GRIK4: variants seen among roughly 807,000 people sequenced by gnomAD.
GRIK4 encodes the protein glutamate receptor ionotropic, kainate 4.
A neutral mutation model predicts 104.9 loss-of-function variants in GRIK4; 40 were observed. The ratio of observed to expected loss-of-function variants is 0.38; its 90% CI spans 0.30 to 0.50. The LOEUF is 0.50. Ranked by LOEUF, GRIK4 falls within the 20% of genes least tolerant of loss-of-function variation. GRIK4 has a pLI of 0.93. For synonymous variants in GRIK4, 485 were observed against 524.9 expected (o/e 0.92, Z 1.04); for missense variants, 1,047 against 1,308.1 (o/e 0.80, Z 3.08).
chr11:120,598,355 G>A (rs1948835244), intron 1 of GRIK4, among the ~76,000 whole-genome samples: 1 of 152,176 alleles, frequency 6.6e-6, no homozygotes, highest in African/African-American at 2.4e-5. Context: ...ATAGCAGGTA[G>A]CAGAACGGTG....
intron 13 of GRIK4, among the ~76,000 whole-genome samples, chr11:120,934,484 A>G (rs948693637): frequency 6.6e-6 from 1 of 152,168 alleles, no homozygotes; most frequent in Non-Finnish European, 1.5e-5. Flanking sequence ...AGCCAGGCTC[A>G]TGTCCCAGGA....
intron 3 of GRIK4, among the ~76,000 whole-genome samples, chr11:120,674,902 C>A (rs184388052): frequency 1.1e-4 from 16 of 152,354 alleles, no homozygotes; most frequent in African/African-American, 2.9e-4. Context: ...AAATCTCAGG[C>A]ATGCAGCCTG....
intron 11 of GRIK4, among the ~76,000 whole-genome samples, chr11:120,881,094 G>T (rs575188956): frequency 6.6e-6 from 1 of 152,104 alleles, no homozygotes. Flanking sequence ...TTTTCAGTTC[G>T]TCTAGGTTGT....
chr11:120,574,676 A>G (rs568040219), intron 1 of GRIK4, among the ~76,000 whole-genome samples: 15 of 152,312 alleles, frequency 9.8e-5, no homozygotes, highest in African/African-American at 3.4e-4. Flanking sequence ...CCAGGCACTC[A>G]GCTGGTATGG....
intron 1 of GRIK4, among the ~76,000 whole-genome samples, chr11:120,590,998 A>C (rs1277130034): frequency 6.6e-6 from 1 of 152,046 alleles, no homozygotes; most frequent in East Asian, 1.9e-4. Flanking sequence ...GGTCATTGCC[A>C]AGAGGTGTTA....
chr11:120,784,381 C>T (rs1952222558), intron 3 of GRIK4, among the ~76,000 whole-genome samples: 2 of 152,136 alleles, frequency 1.3e-5, no homozygotes, highest in Admixed American at 1.3e-4. Context: ...AATGGCCCTC[C>T]AGATTTTTCT....
rs188049818 is a variant in GRIK4 at position 120,923,452 on chromosome 11, G to A, written c.1477-16895G>A. The stretch of plus-strand genomic sequence containing the variant: ...TTTGGAGACGGAGTCTCACTCAGTC[G>A]CCCAGGCTGGAGTGCAGTGGCGCGA... On this transcript the variant is annotated intron_variant, in intron 13 of 20. Transcript: ENST00000527524. Among the ~76,000 whole-genome samples, 760 of 119,068 alleles carry A rather than the reference G, an allele frequency of 6.4e-3. 5 individuals carry two copies. The highest frequency in any genetic ancestry group is 0.036 in the Middle Eastern group (6 of 166). 78.1% of individuals were successfully genotyped at this position (119,068 alleles called of 152,430 possible).
intron 1 of GRIK4, among the ~76,000 whole-genome samples, chr11:120,587,553 T>C (rs1948683356): frequency 6.6e-6 from 1 of 152,220 alleles, no homozygotes. Context: ...GTTATTATTA[T>C]CATGATGTCT....
At chr11:120,943,721 G>A (rs1943784106) in intron 14 of GRIK4, among the ~76,000 whole-genome samples, 1 of 152,170 alleles carries the variant, frequency 6.6e-6, no homozygotes, top group South Asian at 2.1e-4. Context: ...CTATGTTTAT[G>A]AGGTCACCTG....
At chr11:120,552,892 C>T (rs12278740) in intron 1 of GRIK4, among the ~76,000 whole-genome samples, 43,954 of 151,284 alleles carry the variant, frequency 0.29, 7,042 homozygotes, top group Admixed American at 0.5. Context: ...CCCAGCTACT[C>T]GGGAGGCTGA....
chr11:120,870,186 T>G (rs898279510), intron 9 of GRIK4: 1 of 152,226 alleles, frequency 6.6e-6, no homozygotes, highest in African/African-American at 2.4e-5. Flanking sequence ...CATGGGGACC[T>G]TGGACCACCC....
chr11:120,729,239 C>G (rs1227783514), intron 3 of GRIK4, among the ~76,000 whole-genome samples: 18 of 152,178 alleles, frequency 1.2e-4, no homozygotes, highest in Admixed American at 1.2e-3. Flanking sequence ...GCAGATATCT[C>G]TTTGATACAC....
intron 1 of GRIK4, among the ~76,000 whole-genome samples, chr11:120,588,848 A>T (rs771164293): frequency 5.3e-5 from 8 of 152,124 alleles, no homozygotes; most frequent in Non-Finnish European, 8.8e-5. Context: ...GACTCACTGC[A>T]TGTCTCCTGG....
At chr11:120,639,299 G>A (rs769129123) in intron 1 of GRIK4, among the ~76,000 whole-genome samples, 18 of 152,204 alleles carry the variant, frequency 1.2e-4, no homozygotes, top group Non-Finnish European at 2.6e-4. Context: ...CTGCATCAGG[G>A]GCGCAATGGA....
At chr11:120,896,600 G>A (rs922668268) in intron 11 of GRIK4, among the ~76,000 whole-genome samples, 1 of 152,184 alleles carries the variant, frequency 6.6e-6, no homozygotes, top group East Asian at 1.9e-4. Context: ...GATGGTCTGG[G>A]GTGGGCCTGG....
intron 19 of GRIK4, among the ~76,000 whole-genome samples, chr11:120,976,268 T>G (rs1312846823): frequency 6.6e-6 from 1 of 152,174 alleles, no homozygotes; most frequent in Non-Finnish European, 1.5e-5. Context: ...ATTGCAAAAT[T>G]TATCACATAC....
intron 1 of GRIK4, among the ~76,000 whole-genome samples, chr11:120,609,436 C>T (rs1325768258): frequency 6.6e-6 from 1 of 151,072 alleles, no homozygotes; most frequent in Non-Finnish European, 1.5e-5. Context: ...CATTTTCCCC[C>T]TTTCCCCTTT....
intron 13 of GRIK4, among the ~76,000 whole-genome samples, chr11:120,925,557 G>A (rs572425939): frequency 1.3e-5 from 2 of 152,202 alleles, no homozygotes; most frequent in South Asian, 2.1e-4. Flanking sequence ...AGCAGGGATG[G>A]GAGACAGGCA....
intron 4 of GRIK4, among the ~76,000 whole-genome samples, chr11:120,813,191 G>A (rs538586350): frequency 1.8e-4 from 27 of 152,142 alleles, no homozygotes; most frequent in Non-Finnish European, 3.2e-4. Flanking sequence ...GGCTGTGAGA[G>A]AGGAACATGA....
Sources: gnomAD v4.1 joint callset for allele counts (sites outside exome capture counted in the v4.1 genomes callset) on GRCh38, gnomAD v4.1.1 for gene constraint, MANE v1.5 for transcripts, NCBI Gene and HGNC (gene_info 2026-07-23, HGNC 2026-07-21) for gene names.